The following TBC1D19 variants were observed in gnomAD, a reference collection of about 807,000 sequenced individuals.
TBC1D19 encodes the protein TBC1 domain family member 19, also known as TBC1 domain family, member 19.
A neutral mutation model predicts 89.0 loss-of-function variants in TBC1D19; 60 were observed. The observed-to-expected ratio is 0.67, with a 90% confidence interval of 0.55 to 0.84. TBC1D19 has a LOEUF of 0.84. Among genes scored for constraint, TBC1D19 ranks in the 40% least tolerant of loss-of-function variants. The probability of loss-of-function intolerance (pLI) is 0.00; values close to 1 mark genes in which losing one functional copy is unlikely to be tolerated. For synonymous variants in TBC1D19, 189 were observed against 199.7 expected, an observed-to-expected ratio of 0.95 and a Z score of 0.45; for missense variants, 500 against 610.8, an observed-to-expected ratio of 0.82 and a Z score of 1.91.
chr4:26,622,035 A>G (rs1439500747), intron 4 of TBC1D19, among the ~76,000 whole-genome samples: 1 of 151,766 alleles, frequency 6.6e-6, no homozygotes, highest in Non-Finnish European at 1.5e-5. Context: ...ATAGGTGGGA[A>G]TTGAACAATG....
intron 15 of TBC1D19, among the ~76,000 whole-genome samples, chr4:26,733,486 CTT>C (rs1717786888): frequency 6.6e-6 from 1 of 150,684 alleles, no homozygotes; most frequent in Non-Finnish European, 1.5e-5. Flanking sequence ...CACACACACT[CTT>C]TAGTGATAGA....
At chr4:26,767,736 T>A in the TBC1D19 span, among the ~76,000 whole-genome samples, 1 of 152,336 alleles carries the variant, frequency 6.6e-6, no homozygotes, top group East Asian at 1.9e-4. Flanking sequence ...AATTTTGTTA[T>A]AGCAGCTTGC....
At chr4:26,736,879 T>A (rs141597111) in intron 16 of TBC1D19, among the ~76,000 whole-genome samples, 1 of 152,186 alleles carries the variant, frequency 6.6e-6, no homozygotes, top group African/African-American at 2.4e-5. Flanking sequence ...TGTCATTAAA[T>A]GAGGAATGCA....
chr4:26,724,342 AG>A (rs1196108451), intron 15 of TBC1D19, among the ~76,000 whole-genome samples: 1 of 152,000 alleles, frequency 6.6e-6, no homozygotes, highest in African/African-American at 2.4e-5. Flanking sequence ...TCACATGCCT[AG>A]TAATTGTTTT....
Position 26,755,030 on chromosome 4 carries a change from A to T in TBC1D19, c.*83A>T. 1 of 1,278,476 alleles carries T rather than the reference A, an allele frequency of 7.8e-7. No homozygotes were observed. Among genetic ancestry groups the T allele is most frequent in the Non-Finnish European group, 1.1e-6 (1 of 932,344 alleles). The allele number at this position is 1,278,476 out of a possible 1,614,324, so 79.2% of individuals were successfully genotyped here. ...TATGCAAACTCTGCATAAAACCAAA[A>T]TGAAACTTTGCATATAAGCCAATAA... On this transcript the variant is annotated 3_prime_UTR_variant, in exon 21 of 21. Transcript: ENST00000264866.
chr4:26,807,730 C>T, the TBC1D19 span, among the ~76,000 whole-genome samples: 1 of 152,212 alleles, frequency 6.6e-6, no homozygotes, highest in Non-Finnish European at 1.5e-5. Flanking sequence ...TTTAAGGTCA[C>T]CCCCTACATT....
the TBC1D19 span, among the ~76,000 whole-genome samples, chr4:26,774,369 C>A: frequency 2.0e-5 from 3 of 152,236 alleles, no homozygotes; most frequent in East Asian, 5.8e-4. Flanking sequence ...AGCAGTTTGT[C>A]AATCTCCACA....
intron 13 of TBC1D19, among the ~76,000 whole-genome samples, chr4:26,700,968 A>G (rs181952491): frequency 1.4e-4 from 22 of 152,222 alleles, no homozygotes; most frequent in African/African-American, 4.3e-4. Flanking sequence ...AAGAGTCTAC[A>G]TGACCCTGCA....
chr4:26,635,777 T>G (rs1743083044), intron 4 of TBC1D19, among the ~76,000 whole-genome samples: 1 of 152,110 alleles, frequency 6.6e-6, no homozygotes, highest in Non-Finnish European at 1.5e-5. Context: ...AGTCACCTAA[T>G]GCTATCTTGG....
intron 4 of TBC1D19, among the ~76,000 whole-genome samples, chr4:26,623,059 C>A (rs1281935451): frequency 6.6e-6 from 1 of 152,154 alleles, no homozygotes; most frequent in African/African-American, 2.4e-5. Context: ...TTTTGAGACA[C>A]TTAGTTGTTT....
chr4:26,816,505 G>A, the TBC1D19 span, among the ~76,000 whole-genome samples: 1 of 152,044 alleles, frequency 6.6e-6, no homozygotes, highest in African/African-American at 2.4e-5. Context: ...AATTCCAAAG[G>A]GGGAAAATCG....
Position 26,740,779 on chromosome 4 carries a change from C to T in TBC1D19, c.1227+806C>T, listed in dbSNP as rs113718412. 2.1e-3 allele frequency: 2,065 copies of T among 985,326 alleles called. 24 individuals carry two copies. In the African/African-American group the frequency reaches 0.033, roughly 16 times the overall value. 61.0% of individuals were successfully genotyped at this position (985,326 alleles called of 1,614,324 possible). On this transcript the variant is annotated intron_variant, in intron 17 of 20. Coordinates refer to ENST00000264866, the MANE Select transcript of TBC1D19 (RefSeq NM_018317.4). ...ATATGTCAGGGCTACTAAATTTCCCCAAAGAGGCAACTGTATTATTGCTAT... is the reference window on the plus strand; with the variant it reads ...ATATGTCAGGGCTACTAAATTTCCCTAAAGAGGCAACTGTATTATTGCTAT...
chr4:26,764,458 C>A, the TBC1D19 span, among the ~76,000 whole-genome samples: 9 of 152,144 alleles, frequency 5.9e-5, no homozygotes, highest in Non-Finnish European at 1.0e-4. Flanking sequence ...AGCTGAGGAG[C>A]CCATGACTAA....
intron 9 of TBC1D19, among the ~76,000 whole-genome samples, chr4:26,671,487 T>C (rs889435278): frequency 6.6e-6 from 1 of 151,884 alleles, no homozygotes; most frequent in African/African-American, 2.4e-5. Context: ...ACTTACATTT[T>C]CGCTCTCTTA....
chr4:26,678,521 G>A (rs1350720909), intron 11 of TBC1D19, among the ~76,000 whole-genome samples: 1 of 151,226 alleles, frequency 6.6e-6, no homozygotes, highest in African/African-American at 2.4e-5. Context: ...CTGGCTCAGC[G>A]AAACTGCTTT....
chr4:26,845,017 C>A, the TBC1D19 span, among the ~76,000 whole-genome samples: 6 of 152,178 alleles, frequency 3.9e-5, no homozygotes, highest in East Asian at 1.9e-4. Flanking sequence ...TATAACAGAC[C>A]ATTTTCCTAT....
chr4:26,792,743 A>G, the TBC1D19 span, among the ~76,000 whole-genome samples: 4,759 of 152,320 alleles, frequency 0.031, 221 homozygotes, highest in African/African-American at 0.1. Context: ...CCCAGAAGAA[A>G]CATACTGTAT....
chr4:26,652,673 C>A (rs1203569415), intron 7 of TBC1D19, among the ~76,000 whole-genome samples: 1 of 152,180 alleles, frequency 6.6e-6, no homozygotes, highest in African/African-American at 2.4e-5. Flanking sequence ...TTATAGTATT[C>A]TCTGATGGTA....
chr4:26,581,900 G>A (rs1326261206), upstream of TBC1D19, among the ~76,000 whole-genome samples: 2 of 151,702 alleles, frequency 1.3e-5, no homozygotes, highest in Non-Finnish European at 2.9e-5. Context: ...AGACCATTCT[G>A]TAATTAAATT....
Sources: gnomAD v4.1 joint callset for allele counts (sites outside exome capture counted in the v4.1 genomes callset) on GRCh38, gnomAD v4.1.1 for gene constraint, MANE v1.5 for transcripts, NCBI Gene and HGNC (gene_info 2026-07-23, HGNC 2026-07-21) for gene names.